Variants in CSMD1 observed in about 807,000 individuals in gnomAD.
The protein encoded by CSMD1 is CUB and sushi domain-containing protein 1.
CSMD1 carries 213 observed loss-of-function variants against 417.5 expected under a neutral mutation model. The ratio of observed to expected loss-of-function variants is 0.51; its 90% CI spans 0.46 to 0.57. The LOEUF (loss-of-function observed/expected upper bound fraction) is 0.57, where lower values mean the gene tolerates loss of function less well. Among genes scored for constraint, CSMD1 ranks in the 20% least tolerant of loss-of-function variants. CSMD1 has a pLI of 0.00. For synonymous variants in CSMD1, 2,862 were observed against 1,736.8 expected (o/e 1.65, Z -16.11); for missense variants, 6,923 against 4,529.7 (o/e 1.53, Z -15.17).
chr8:4,538,240 C>T (rs1436675668), intron 2 of CSMD1, among the ~76,000 whole-genome samples: 1 of 151,426 alleles, frequency 6.6e-6, no homozygotes, highest in Non-Finnish European at 1.5e-5. Context: ...ATGTGGCACC[C>T]TTATATTTTT....
chr8:4,375,751 C>A (rs73510646), intron 3 of CSMD1, among the ~76,000 whole-genome samples: 1 of 152,076 alleles, frequency 6.6e-6, no homozygotes, highest in African/African-American at 2.4e-5. Context: ...TGCACCATGC[C>A]CTGCCCTGTC....
chr8:4,128,864 G>A (rs1304181517), intron 3 of CSMD1, among the ~76,000 whole-genome samples: 1 of 152,042 alleles, frequency 6.6e-6, no homozygotes, highest in Non-Finnish European at 1.5e-5. Context: ...CAGGCTCTGT[G>A]CATGCGCTGT....
At chr8:3,669,106 C>T (rs966967388) in intron 7 of CSMD1, among the ~76,000 whole-genome samples, 1 of 152,142 alleles carries the variant, frequency 6.6e-6, no homozygotes, top group Non-Finnish European at 1.5e-5. Flanking sequence ...CATTAACGTA[C>T]AGAAAAATTA....
chr8:3,219,288 C>T lies in CSMD1; in HGVS notation c.4639G>A (p.Val1547Met), dbSNP rs1269511062. The change falls in exon 29 of 70, where the codon GTG (valine) becomes ATG (methionine). Residue 1547 changes from valine (V) to methionine (M), a missense_variant. Transcript: ENST00000635120. ...TCAATGGCGAACCCTGAAAGGCCCA[C>T]GGAGGCATCACTCCGAAATGCCAGA... Reference protein sequence around the residue: ...LFLAFRSDASVGLSGFAIEFK... With the variant: ...LFLAFRSDASMGLSGFAIEFK... 1.1e-5 allele frequency: 17 copies of T among 1,594,976 alleles called. No individual in the cohort carries two copies. Among genetic ancestry groups the T allele is most frequent in the South Asian group, 3.4e-5 (3 of 87,990 alleles).
intron 1 of CSMD1, among the ~76,000 whole-genome samples, chr8:4,799,808 G>A (rs577027316): frequency 6.6e-6 from 1 of 151,806 alleles, no homozygotes; most frequent in Admixed American, 6.6e-5. Context: ...GTGACAATAT[G>A]CAAAGAGATA....
intron 52 of CSMD1, among the ~76,000 whole-genome samples, chr8:3,009,075 A>G (rs905509405): frequency 6.6e-6 from 1 of 152,244 alleles, no homozygotes; most frequent in Non-Finnish European, 1.5e-5. Context: ...AATGTCTCCC[A>G]TGACAGCGGA....
rs571494697 is a variant in CSMD1 at position 3,256,747 on chromosome 8, G to A, written c.4154-26516C>T. On this transcript the variant is annotated intron_variant, in intron 26 of 69. Transcript: ENST00000635120. ...TTTGATGTCTGCATGTTTAAATCCT[G>A]ACTCAGAAAAGGGACATCTTGTGTA... Among the ~76,000 whole-genome samples the A allele has an allele frequency of 9.2e-5, 14 of 152,276 alleles. No homozygotes were observed. The South Asian group carries it at 1.0e-3, about 11-fold the overall frequency.
rs140841389 is a variant in CSMD1 at position 4,514,462 on chromosome 8, G to C, written c.303-94397C>G. Among the ~76,000 whole-genome samples the C allele has an allele frequency of 9.4e-4, 143 of 152,254 alleles. 1 individual carries two copies. The highest frequency in any genetic ancestry group is 3.2e-3 in the African/African-American group (135 of 41,552). On this transcript the variant is annotated intron_variant, in intron 2 of 69. Transcript: ENST00000635120. The stretch of plus-strand genomic sequence containing the variant: ...AAAGCCTGATATGCATTTTTAAGTA[G>C]CATCCTGATGATTCTCCAGGTGACG...
At chr8:3,375,065 G>T (rs1000183948) in intron 18 of CSMD1, 3 of 152,218 alleles carry the variant, frequency 2.0e-5, no homozygotes, top group Non-Finnish European at 2.9e-5. Context: ...TCCCTGGACG[G>T]TGGCATTCAC....
chr8:3,915,550 C>T (rs1213396937), intron 5 of CSMD1, among the ~76,000 whole-genome samples: 1 of 151,070 alleles, frequency 6.6e-6, no homozygotes, highest in Non-Finnish European at 1.5e-5. Flanking sequence ...TAGCTTTAAA[C>T]ACAAGGATGA....
chr8:2,952,690 A>G (rs35814779), intron 65 of CSMD1, among the ~76,000 whole-genome samples: 20,402 of 107,332 alleles, frequency 0.19, 1,408 homozygotes, highest in East Asian at 0.24. Flanking sequence ...CATAAAAAAT[A>G]TCTTCCCTAA....
chr8:3,480,700 A>C (rs1354553891), intron 11 of CSMD1, among the ~76,000 whole-genome samples: 1 of 152,222 alleles, frequency 6.6e-6, no homozygotes, highest in Non-Finnish European at 1.5e-5. Context: ...AATGTTACCT[A>C]CAGGATAAAA....
intron 5 of CSMD1, among the ~76,000 whole-genome samples, chr8:3,976,789 G>A (rs1344832214): frequency 6.6e-6 from 1 of 152,176 alleles, no homozygotes; most frequent in Non-Finnish European, 1.5e-5. Context: ...GCTGAATGCT[G>A]CTCAAGGTCG....
chr8:3,740,230 C>T (rs995569372), intron 6 of CSMD1, among the ~76,000 whole-genome samples: 1 of 152,184 alleles, frequency 6.6e-6, no homozygotes, highest in African/African-American at 2.4e-5. Flanking sequence ...CTCAGCCTCC[C>T]AAGTTGCTGA....
chr8:4,844,432 T>G (rs1045936335), intron 1 of CSMD1, among the ~76,000 whole-genome samples: 7 of 152,172 alleles, frequency 4.6e-5, no homozygotes, highest in African/African-American at 1.4e-4. Context: ...CCACTCCTTT[T>G]ATTTTCGATT....
At chr8:4,710,142 G>C (rs1168490762) in intron 1 of CSMD1, among the ~76,000 whole-genome samples, 1 of 151,900 alleles carries the variant, frequency 6.6e-6, no homozygotes, top group Admixed American at 6.6e-5. Flanking sequence ...TATTCTAAGG[G>C]GGGATTAATT....
chr8:4,750,839 G>C (rs1480390703), intron 1 of CSMD1, among the ~76,000 whole-genome samples: 1 of 152,092 alleles, frequency 6.6e-6, no homozygotes, highest in Non-Finnish European at 1.5e-5. Flanking sequence ...TCTACTGATA[G>C]CTGATGAGAT....
At chr8:4,774,487 T>C (rs1796747465) in intron 1 of CSMD1, among the ~76,000 whole-genome samples, 1 of 152,154 alleles carries the variant, frequency 6.6e-6, no homozygotes, top group African/African-American at 2.4e-5. Flanking sequence ...CTTGATATTT[T>C]TTTACATATA....
In CSMD1 at chr8:3,190,007, T is replaced by A. The variant is rs760596443; in HGVS notation, c.5303A>T (p.Asn1768Ile). 3.8e-6 allele frequency: 6 copies of A among 1,598,610 alleles called. No homozygotes were observed. Among genetic ancestry groups the A allele is most frequent in the Non-Finnish European group, 5.1e-6 (6 of 1,172,860 alleles). The change falls in exon 34 of 70, where the codon AAC becomes ATC. Residue 1768 changes from asparagine to isoleucine, a missense_variant. Asn to Ile is a moderately radical substitution (Grantham distance 149). Transcript: ENST00000635120. The part of the protein sequence containing the change: ...SAGSIVRFEC[N>I]PGYLLQGSTA... The stretch of plus-strand genomic sequence containing the variant: ...GGAACCCTGAAGCAGGTATCCCGGG[T>A]TGCACTCGAATCGGACGATGGAGCC...
Sources: allele counts gnomAD v4.1 joint callset (sites outside exome capture counted in the v4.1 genomes callset), GRCh38; gene constraint gnomAD v4.1.1; transcripts MANE v1.5; gene names NCBI Gene and HGNC (gene_info 2026-07-23, HGNC 2026-07-21).